The following CDH12 variants were observed in gnomAD, a reference collection of about 807,000 sequenced individuals.
CDH12 encodes cadherin 12, also known as cadherin-12.
CDH12 carries 41 observed loss-of-function variants against 74.1 expected under a neutral mutation model. The ratio of observed to expected loss-of-function variants is 0.55; its 90% CI spans 0.43 to 0.72. CDH12 has a LOEUF of 0.72. Ranked by LOEUF, CDH12 falls within the 30% of genes least tolerant of loss-of-function variation. The pLI, the probability that CDH12 is intolerant of heterozygous loss-of-function variation, is 0.00. For missense variants in CDH12, 945 were observed against 977.2 expected (o/e 0.97, Z 0.44); for synonymous variants, 399 against 355.0 (o/e 1.12, Z -1.39).
chr5:22,847,231 A>T (rs1221535462), intron 1 of CDH12, among the ~76,000 whole-genome samples: 1 of 152,188 alleles, frequency 6.6e-6, no homozygotes, highest in Non-Finnish European at 1.5e-5. Flanking sequence ...TAAACATATA[A>T]CTTAAAGCCT....
intron 1 of CDH12, among the ~76,000 whole-genome samples, chr5:22,573,935 C>T (rs192690240): frequency 3.1e-4 from 47 of 152,174 alleles, no homozygotes; most frequent in East Asian, 2.9e-3. Context: ...TGAAGTGTCA[C>T]GCTAAATGGT....
intron 4 of CDH12, among the ~76,000 whole-genome samples, chr5:22,200,830 G>C (rs1341600811): frequency 1.3e-5 from 2 of 152,198 alleles, no homozygotes; most frequent in African/African-American, 4.8e-5. Context: ...ATAAGTGCCT[G>C]TCACTGGGAA....
At chr5:21,893,869 T>C (rs901055908) in intron 6 of CDH12, among the ~76,000 whole-genome samples, 42 of 152,214 alleles carry the variant, frequency 2.8e-4, no homozygotes, top group Admixed American at 1.3e-4. Flanking sequence ...ATTTTTTTTC[T>C]GTCATTAATT....
chr5:22,409,804 G>T (rs1011153380), intron 2 of CDH12, among the ~76,000 whole-genome samples: 6 of 152,036 alleles, frequency 3.9e-5, no homozygotes, highest in African/African-American at 1.4e-4. Context: ...CCTACCCCAT[G>T]ACTAGTGGTC....
At chr5:21,995,121 G>GAA (rs1459907893) in intron 5 of CDH12, among the ~76,000 whole-genome samples, 1 of 151,996 alleles carries the variant, frequency 6.6e-6, no homozygotes, top group Non-Finnish European at 1.5e-5. Context: ...CTGAACATTG[G>GAA]AAGGAACAAA....
chr5:22,193,786 T>C (rs1453422850), intron 4 of CDH12, among the ~76,000 whole-genome samples: 1 of 152,074 alleles, frequency 6.6e-6, no homozygotes, highest in African/African-American at 2.4e-5. Context: ...CACTGTACTC[T>C]TTCACTGCAG....
intron 1 of CDH12, among the ~76,000 whole-genome samples, chr5:22,810,164 C>G (rs77144736): frequency 0.011 from 1,646 of 152,112 alleles, 17 homozygotes; most frequent in Non-Finnish European, 0.016. Flanking sequence ...ATGTTGAAGT[C>G]CAAAGGAAAT....
intron 3 of CDH12, among the ~76,000 whole-genome samples, chr5:22,331,109 T>C (rs914340590): frequency 6.6e-6 from 1 of 152,166 alleles, no homozygotes; most frequent in Non-Finnish European, 1.5e-5. Flanking sequence ...CTTTGCATTG[T>C]GGTTTGAGTG....
At chr5:21,875,894 G>C (rs1456711222) in intron 6 of CDH12, among the ~76,000 whole-genome samples, 1 of 94,142 alleles carries the variant, frequency 1.1e-5, no homozygotes, top group Non-Finnish European at 2.1e-5. Flanking sequence ...TTCTTTGCGG[G>C]CATTTTTTTT....
At chr5:22,065,154 C>A (rs1741468357) in intron 5 of CDH12, among the ~76,000 whole-genome samples, 1 of 152,110 alleles carries the variant, frequency 6.6e-6, no homozygotes, top group African/African-American at 2.4e-5. Flanking sequence ...TCCCAGGACC[C>A]ACCTCACTGC....
chr5:22,681,744 T>G (rs1741504633), intron 1 of CDH12, among the ~76,000 whole-genome samples: 1 of 152,136 alleles, frequency 6.6e-6, no homozygotes, highest in African/African-American at 2.4e-5. Flanking sequence ...TGTGATTGTT[T>G]CAAATTTTTA....
At chr5:22,601,960 C>T (rs946607853) in intron 1 of CDH12, among the ~76,000 whole-genome samples, 6 of 151,944 alleles carry the variant, frequency 3.9e-5, no homozygotes, top group African/African-American at 1.2e-4. Flanking sequence ...GTATACAAGA[C>T]ATGTAAGACA....
chr5:22,181,225 A>T lies in CDH12; in HGVS notation c.-187+31273T>A, dbSNP rs2150337772. On this transcript the variant is annotated intron_variant, in intron 4 of 14. Coordinates refer to ENST00000382254, the MANE Select transcript of CDH12 (RefSeq NM_004061.5). ...GTGAAAGTTGTTGATAGGGTCACGTATAAAGTTCCATGTGAACAAATCTAA... is the reference window on the plus strand; with the variant it reads ...GTGAAAGTTGTTGATAGGGTCACGTTTAAAGTTCCATGTGAACAAATCTAA... Among the ~76,000 whole-genome samples, 3 of 152,308 alleles carry T rather than the reference A, an allele frequency of 2.0e-5. 1 individual carries two copies. The South Asian group carries it at 6.2e-4, about 32-fold the overall frequency.
In CDH12 at chr5:21,887,807, G is replaced by A. The variant is rs114073754; in HGVS notation, c.527-33017C>T. ...CCACAGTTTAGTATGAACATAGTCA[G>A]GGCCCGGGTAATTCACTGTTATGAG... On this transcript the variant is annotated intron_variant, in intron 6 of 14. Coordinates refer to ENST00000382254, the MANE Select transcript of CDH12 (RefSeq NM_004061.5). Among the ~76,000 whole-genome samples the A allele has an allele frequency of 1.6e-3, 246 of 152,218 alleles. 1 individual carries two copies. Among genetic ancestry groups the A allele is most frequent in the African/African-American group, 5.4e-3 (224 of 41,534 alleles).
At chr5:22,190,633 A>G (rs559053350) in intron 4 of CDH12, among the ~76,000 whole-genome samples, 2 of 152,242 alleles carry the variant, frequency 1.3e-5, no homozygotes, top group Admixed American at 6.5e-5. Flanking sequence ...TCCTCCTCTT[A>G]TCTCTACTCT....
Position 22,138,875 on chromosome 5 carries a change from T to TATATATATATATATATATATATATAC in CDH12, c.-186-60014_-186-60013insGTATATATATATATATATATATATAT, listed in dbSNP as rs1256794399. Among the ~76,000 whole-genome samples, 16 of 137,680 alleles carry TATATATATATATATATATATATATAC rather than the reference T, an allele frequency of 1.2e-4. 1 individual carries two copies. The highest frequency in any genetic ancestry group is 1.9e-4 in the African/African-American group (7 of 37,494). 90.3% of individuals were successfully genotyped at this position (137,680 alleles called of 152,430 possible). A position where few individuals can be genotyped will look rare whatever the true frequency, so the allele number is the denominator to read the frequency against. ...ATATATATATATATATATATATATA[T>TATATATATATATATATATATATATAC]ACATGTTGGACTCATCGATGTACAT... On this transcript the variant is annotated intron_variant, in intron 4 of 14. Transcript: ENST00000382254.
intron 3 of CDH12, among the ~76,000 whole-genome samples, chr5:22,293,749 G>C (rs1737504541): frequency 6.6e-6 from 1 of 152,122 alleles, no homozygotes; most frequent in Non-Finnish European, 1.5e-5. Context: ...GCACAGAAAG[G>C]CAAATACTGC....
chr5:22,123,215 C>T (rs1214305695), intron 4 of CDH12, among the ~76,000 whole-genome samples: 2 of 152,110 alleles, frequency 1.3e-5, no homozygotes, highest in Non-Finnish European at 2.9e-5. Context: ...TCCCTCATTC[C>T]TTCTGCTATG....
At chr5:22,206,327 G>A (rs553961740) in intron 4 of CDH12, among the ~76,000 whole-genome samples, 1 of 152,240 alleles carries the variant, frequency 6.6e-6, no homozygotes, top group Non-Finnish European at 1.5e-5. Flanking sequence ...TGTTCTTAAG[G>A]TTTGAGAGTT....
Sources: gnomAD v4.1 joint callset for allele counts (sites outside exome capture counted in the v4.1 genomes callset) on GRCh38, gnomAD v4.1.1 for gene constraint, MANE v1.5 for transcripts, NCBI Gene and HGNC (gene_info 2026-07-23, HGNC 2026-07-21) for gene names.